ARHGAP10: variants seen among roughly 807,000 people sequenced by gnomAD.
ARHGAP10 encodes rho GTPase-activating protein 10.
In ARHGAP10, 87 loss-of-function variants were observed where a neutral mutation model predicts 108.6. The ratio of observed to expected loss-of-function variants is 0.80; its 90% CI spans 0.67 to 0.96. The LOEUF (loss-of-function observed/expected upper bound fraction) is 0.96. ARHGAP10 is among the 40% of genes least tolerant of loss of function. ARHGAP10 has a pLI of 0.00. For missense variants in ARHGAP10, 939 were observed against 954.5 expected (o/e 0.98, Z 0.21); for synonymous variants, 347 against 341.1 (o/e 1.02, Z -0.19).
chr4:147,752,918 G>C (rs889141622), intron 1 of ARHGAP10, among the ~76,000 whole-genome samples: 1 of 152,176 alleles, frequency 6.6e-6, no homozygotes, highest in African/African-American at 2.4e-5. Context: ...CCAAATAATA[G>C]CCATTCCTTT....
chr4:148,065,754 A>G (rs997821254), intron 22 of ARHGAP10: 1 of 152,186 alleles, frequency 6.6e-6, no homozygotes, highest in African/African-American at 2.4e-5. Flanking sequence ...CTCCTGCAGT[A>G]TGGTTTGTGA....
intron 1 of ARHGAP10, among the ~76,000 whole-genome samples, chr4:147,756,391 G>T (rs1729373797): frequency 1.3e-5 from 2 of 152,170 alleles, no homozygotes; most frequent in Admixed American, 6.5e-5. Context: ...ACACACTCTA[G>T]AGTGGGCATC....
At chr4:147,785,825 T>C (rs1228497372) in intron 1 of ARHGAP10, among the ~76,000 whole-genome samples, 1 of 152,196 alleles carries the variant, frequency 6.6e-6, no homozygotes, top group Non-Finnish European at 1.5e-5. Flanking sequence ...TAAATAATTA[T>C]AAAGGCATAG....
At chr4:147,751,511 A>G (rs1185401186) in intron 1 of ARHGAP10, among the ~76,000 whole-genome samples, 1 of 151,216 alleles carries the variant, frequency 6.6e-6, no homozygotes, top group African/African-American at 2.4e-5. Context: ...TGACAGGCGC[A>G]TGCTACCACG....
At chr4:147,900,819 T>TCAACAA (rs36114707) in intron 10 of ARHGAP10, among the ~76,000 whole-genome samples, 6,551 of 150,584 alleles carry the variant, frequency 0.044, 189 homozygotes, top group Non-Finnish European at 0.06. Flanking sequence ...ATAAATAAAT[T>TCAACAA]CAACAACAAC....
intron 18 of ARHGAP10, among the ~76,000 whole-genome samples, chr4:147,985,518 G>A (rs896116626): frequency 2.2e-4 from 33 of 152,290 alleles, no homozygotes; most frequent in African/African-American, 7.7e-4. Context: ...TTGGACCTGT[G>A]ATGGGGGAGA....
intron 7 of ARHGAP10, among the ~76,000 whole-genome samples, chr4:147,871,209 C>T (rs946347005): frequency 6.6e-5 from 10 of 152,030 alleles, no homozygotes; most frequent in South Asian, 2.1e-4. Context: ...CCGCCCACCT[C>T]GGCCTCCCAA....
In ARHGAP10 at chr4:147,906,662, G is replaced by T; in HGVS notation, c.1059G>T (p.Gln353His). The change falls in exon 11 of 23, where the codon CAG (glutamine) becomes CAT (histidine). Residue 353 changes from glutamine (Q) to histidine (H), a missense_variant. Coordinates refer to ENST00000336498, the MANE Select transcript of ARHGAP10 (RefSeq NM_024605.4). The stretch of plus-strand genomic sequence containing the variant: ...GGCCTGGCGTTTCCTTGACCATGCA[G>T]GCATTTTCCGAAGAGGAAAGGAAGC... ...ADRPGVSLTM[Q>H]AFSEEERKQW... 1 of 1,614,134 alleles carries T rather than the reference G, an allele frequency of 6.2e-7. No individual in the cohort carries two copies. Among genetic ancestry groups the T allele is most frequent in the Non-Finnish European group, 8.5e-7 (1 of 1,180,018 alleles).
chr4:148,059,813 A>G (rs1729525298), intron 20 of ARHGAP10, among the ~76,000 whole-genome samples: 1 of 152,164 alleles, frequency 6.6e-6, no homozygotes, highest in Admixed American at 6.5e-5. Flanking sequence ...GCCTCTATTA[A>G]TCACAGCAAT....
intron 18 of ARHGAP10, among the ~76,000 whole-genome samples, chr4:147,991,865 T>C (rs1740291725): frequency 6.6e-6 from 1 of 152,202 alleles, no homozygotes; most frequent in Admixed American, 6.5e-5. Flanking sequence ...GGGAAGAGGA[T>C]GACATTCTGG....
At chr4:147,956,527 A>G (rs998303985) in intron 16 of ARHGAP10, among the ~76,000 whole-genome samples, 1 of 151,946 alleles carries the variant, frequency 6.6e-6, no homozygotes, top group Non-Finnish European at 1.5e-5. Flanking sequence ...GTGGGGGAAA[A>G]TTTTTTCGGC....
chr4:147,928,222 C>T (rs1737537537), intron 13 of ARHGAP10, among the ~76,000 whole-genome samples: 1 of 152,200 alleles, frequency 6.6e-6, no homozygotes, highest in Admixed American at 6.5e-5. Flanking sequence ...ATTGTCAGTA[C>T]TTCCAAAAAT....
Position 148,063,232 on chromosome 4 carries a change from T to G in ARHGAP10, c.2112T>G (p.Pro704=). The part of the protein sequence containing the change: ...TTTSSNSAVT[P]LSPGSSPFPF... Reference sequence around the variant, plus strand: ...CAAGCTCCAACTCAGCTGTGACACCTCTTTCACCCGGGTCGTCCCCTTTCC... The same window carrying G: ...CAAGCTCCAACTCAGCTGTGACACCGCTTTCACCCGGGTCGTCCCCTTTCC... The change falls in exon 21 of 23, where the codon CCT becomes CCG. Residue 704 remains proline (P), a synonymous_variant. Transcript: ENST00000336498. 1.2e-6 allele frequency: 2 copies of G among 1,614,126 alleles called. No individual in the cohort carries two copies. The highest frequency in any genetic ancestry group is 1.7e-6 in the Non-Finnish European group (2 of 1,180,012).
chr4:148,072,301 C>T lies in ARHGAP10; in HGVS notation c.*220C>T, dbSNP rs557847427. The T allele has an allele frequency of 5.2e-5, 23 of 440,792 alleles. No homozygotes were observed. The South Asian group carries it at 1.1e-3, about 21-fold the overall frequency. The allele number at this position is 440,792 out of a possible 1,614,324, so 27.3% of individuals were successfully genotyped here. On this transcript the variant is annotated 3_prime_UTR_variant, in exon 23 of 23. Transcript: ENST00000336498. ...GGATCAGGAGGGGAATGTCAGGATT[C>T]GCAAAATGGACTTTTCATTTGTCAA...
intron 18 of ARHGAP10, among the ~76,000 whole-genome samples, chr4:147,974,468 T>C (rs145738189): frequency 6.6e-6 from 1 of 152,296 alleles, no homozygotes; most frequent in African/African-American, 2.4e-5. Context: ...TTAATATCTG[T>C]CTTAATACTG....
At chr4:148,000,868 C>T (rs958546079) in intron 18 of ARHGAP10, among the ~76,000 whole-genome samples, 3 of 152,240 alleles carry the variant, frequency 2.0e-5, no homozygotes, top group African/African-American at 4.8e-5. Context: ...TTCTCCCATT[C>T]TTTAGGTTGC....
At chr4:148,032,346 C>G (rs1457455437) in intron 19 of ARHGAP10, among the ~76,000 whole-genome samples, 2 of 64,258 alleles carry the variant, frequency 3.1e-5, no homozygotes, top group African/African-American at 1.2e-4. Flanking sequence ...CCCCCCCCCC[C>G]ATATTGTAGG....
chr4:147,936,317 CTTTTT>C (rs765432394), intron 13 of ARHGAP10, among the ~76,000 whole-genome samples: 2 of 97,852 alleles, frequency 2.0e-5, no homozygotes, highest in East Asian at 3.1e-4. Context: ...CTTTTCCTCT[CTTTTT>C]TTTTTTTTTT....
intron 1 of ARHGAP10, among the ~76,000 whole-genome samples, chr4:147,815,559 A>T (rs1330712611): frequency 6.6e-6 from 1 of 152,110 alleles, no homozygotes; most frequent in Admixed American, 6.5e-5. Context: ...AGATGTGATG[A>T]CAGAAACAAA....
Sources: allele counts gnomAD v4.1 joint callset (sites outside exome capture counted in the v4.1 genomes callset), GRCh38; gene constraint gnomAD v4.1.1; transcripts MANE v1.5; gene names NCBI Gene and HGNC (gene_info 2026-07-23, HGNC 2026-07-21).